Variants in CERS1 observed in about 807,000 individuals in gnomAD.
The protein encoded by CERS1 is ceramide synthase 1, also known as Embryonic growth/differentiation factor 1.
A neutral mutation model predicts 35.7 loss-of-function variants in CERS1; 16 were observed. That is an observed-to-expected ratio of 0.45 (90% CI 0.30 to 0.68). CERS1 has a LOEUF of 0.68. Among genes scored for constraint, CERS1 ranks in the 30% least tolerant of loss-of-function variants. The pLI is 0.08. For synonymous variants in CERS1, 243 were observed against 201.6 expected, an observed-to-expected ratio of 1.21 and a Z score of -1.74; for missense variants, 454 against 453.9, an observed-to-expected ratio of 1.00 and a Z score of 0.00.
In CERS1 at chr19:18,878,692, G is replaced by T; in HGVS notation, c.1010+238C>A. ...TCAGTGTCCCTACCGCTGAGACCCT[G>T]CCTGTCGCCCTGCCTGCCCCTCCCC... is the stretch of plus-strand genomic sequence containing the variant. On this transcript the variant is annotated intron_variant, in intron 6 of 7. Coordinates refer to ENST00000623882, the MANE Select transcript of CERS1 (RefSeq NM_021267.5). This position sits in a 1 kb window ranked among gnomAD's most constrained non-coding sequence, Gnocchi z 4.6. The T allele has an allele frequency of 1.5e-6, 2 of 1,354,350 alleles. No individual in the cohort carries two copies. The highest frequency in any genetic ancestry group is 1.9e-6 in the Non-Finnish European group (2 of 1,048,690). The allele number at this position is 1,354,350 out of a possible 1,614,324, so 83.9% of individuals were successfully genotyped here.
Position 18,888,621 on chromosome 19 carries a change from G to A in CERS1, c.410-4354C>T, listed in dbSNP as rs549976891. On this transcript the variant is annotated intron_variant, in intron 2 of 7. Transcript: ENST00000623882. The stretch of plus-strand genomic sequence containing the variant: ...CAAGGGAGGCAGATCACCTGAAGTC[G>A]GGAGTTCAAGACCAGCCTGACCAAC... 1.1e-4 allele frequency among the ~76,000 whole-genome samples: 17 copies of A among 149,826 alleles called. No individual in the cohort carries two copies. The South Asian group carries it at 3.2e-3, about 28-fold the overall frequency.
chr19:18,895,881 C>G lies in CERS1; in HGVS notation c.192G>C (p.Ala64=). 7.8e-7 allele frequency: 1 copy of G among 1,279,740 alleles called. No homozygotes were observed. Among genetic ancestry groups the G allele is most frequent in the Non-Finnish European group, 9.9e-7 (1 of 1,014,104 alleles). The allele number at this position is 1,279,740 out of a possible 1,614,324, so 79.3% of individuals were successfully genotyped here. A position where few individuals can be genotyped will look rare whatever the true frequency, so the allele number is the denominator to read the frequency against. Residue 64 remains alanine (A), a synonymous_variant, in exon 1 of 8, where the codon GCG becomes GCC. Coordinates refer to ENST00000623882, the MANE Select transcript of CERS1 (RefSeq NM_021267.5). The surrounding 1 kb of genome is among the most constrained non-coding windows in gnomAD (Gnocchi z 6.4). ...GGGCGGTCCAGCCCAGCGCGCCGAG[C>G]GCCAGCAGCAGCAGCTCGGGCGGCG... ...HLAPPELLLL[A]LGALGWTALR... is the part of the protein sequence containing the mutation.
At chr19:18,894,462 T>G (rs1275353043) in intron 1 of CERS1, among the ~76,000 whole-genome samples, 2 of 152,142 alleles carry the variant, frequency 1.3e-5, no homozygotes, top group Non-Finnish European at 2.9e-5. Context: ...CTCCACCCAT[T>G]TCTGAGGAAG....
At chr19:18,883,687 T>A (rs1055406639) in intron 3 of CERS1, among the ~76,000 whole-genome samples, 7 of 152,214 alleles carry the variant, frequency 4.6e-5, no homozygotes, top group Non-Finnish European at 1.0e-4. Flanking sequence ...TGGTTGGCTC[T>A]AGAACATCAG....
chr19:18,879,527 T>G, intron 4 of CERS1, 139 bp from the exon 5 acceptor site: 4 of 1,059,080 alleles, frequency 3.8e-6, no homozygotes, highest in Non-Finnish European at 5.4e-6. Flanking sequence ...CTACTACTGC[T>G]CTGTCCTTCC....
chr19:18,884,102 G>A lies in CERS1; in HGVS notation c.575C>T (p.Ser192Phe), dbSNP rs1009080328. 1.2e-5 allele frequency: 20 copies of A among 1,613,220 alleles called. No individual in the cohort carries two copies. In the African/African-American group the frequency reaches 2.3e-4, roughly 18 times the overall value. Reference sequence around the variant, plus strand: ...CTGTCCTTACCGGAAGGCGTAGGAGGAGACGATGAGGATGAGAGTGACCAC... The same window carrying A: ...CTGTCCTTACCGGAAGGCGTAGGAGAAGACGATGAGGATGAGAGTGACCAC... ...HHVVTLILIV[S>F]SYAFRYHNVG... Residue 192 changes from serine to phenylalanine, a missense_variant, in exon 3 of 8, where the codon TCC (serine) becomes TTC (phenylalanine). Ser to Phe is a radical substitution (Grantham distance 155). Coordinates refer to ENST00000623882, the MANE Select transcript of CERS1 (RefSeq NM_021267.5).
intron 1 of CERS1, 49 bp from the exon 2 acceptor site, chr19:18,893,624 A>T: frequency 6.4e-7 from 1 of 1,559,172 alleles, no homozygotes; most frequent in South Asian, 1.2e-5. Context: ...GGGGCCAGAG[A>T]CTGCTCCTTT....
chr19:18,894,410 G>C (rs962729555), intron 1 of CERS1, among the ~76,000 whole-genome samples: 4 of 152,164 alleles, frequency 2.6e-5, no homozygotes, highest in South Asian at 4.1e-4. Flanking sequence ...CTGGCAACCA[G>C]GCTGCTGCCA....
At chr19:18,885,805 C>T (rs1453020539) in intron 2 of CERS1, among the ~76,000 whole-genome samples, 1 of 152,074 alleles carries the variant, frequency 6.6e-6, no homozygotes, top group Non-Finnish European at 1.5e-5. Context: ...GGGCGTGAGC[C>T]GCTGCGCCCG....
At position 18,892,712 on chromosome 19, in the gene CERS1, C is replaced by T. The variant is rs562506157; in HGVS notation, c.409+704G>A. Among the ~76,000 whole-genome samples, 31 of 152,222 alleles carry T rather than the reference C, an allele frequency of 2.0e-4. 2 individuals carry two copies. The highest frequency in any genetic ancestry group is 6.0e-4 in the African/African-American group (25 of 41,538). ...TGTCCCCATGAAACGTGAGTGCCTC[C>T]GGGCCTTTGCACGTGCTGTTACCGA... is the stretch of plus-strand genomic sequence containing the variant. On this transcript the variant is annotated intron_variant, in intron 2 of 7. Coordinates refer to ENST00000623882, the MANE Select transcript of CERS1 (RefSeq NM_021267.5).
At chr19:18,893,991 C>T (rs2056562715) in intron 1 of CERS1, among the ~76,000 whole-genome samples, 1 of 150,954 alleles carries the variant, frequency 6.6e-6, no homozygotes, top group African/African-American at 2.4e-5. Context: ...GGGACCGACA[C>T]AGAGGGGAGA....
Position 18,884,076 on chromosome 19 carries a change from C to T in CERS1, c.590+11G>A. 1 of 1,609,806 alleles carries T rather than the reference C, an allele frequency of 6.2e-7. No individual in the cohort carries two copies. The highest frequency in any genetic ancestry group is 8.5e-7 in the Non-Finnish European group (1 of 1,177,306). On this transcript the variant is annotated intron_variant, in intron 3 of 7. Transcript: ENST00000623882. The stretch of plus-strand genomic sequence containing the variant: ...GTGCCTCGGCCCCCTGCCACCCGAT[C>T]CTGTCCTTACCGGAAGGCGTAGGAG...
Position 18,890,442 on chromosome 19 carries a change from T to C in CERS1, c.409+2974A>G, listed in dbSNP as rs144086675. 1.0e-3 allele frequency among the ~76,000 whole-genome samples: 158 copies of C among 152,296 alleles called. 2 individuals are homozygous for C. The East Asian group carries it at 0.024, about 24-fold the overall frequency. On this transcript the variant is annotated intron_variant, in intron 2 of 7. Transcript: ENST00000623882. ...TGGCATACAGTAGTCGCTCAATAAA[T>C]AGACATGGAAATAATCAGCTAACTT... is the stretch of plus-strand genomic sequence containing the variant.
upstream of CERS1, chr19:18,896,606 C>G (rs2056630734): frequency 6.6e-6 from 1 of 152,562 alleles, no homozygotes; most frequent in Admixed American, 6.5e-5. The surrounding 1 kb of genome is among the most constrained non-coding windows in gnomAD (Gnocchi z 5.9). Flanking sequence ...AGGCCTGGCA[C>G]GCCTTGGCAC....
chr19:18,869,140 C>T lies in CERS1; in HGVS notation c.*845G>A, dbSNP rs1489342824. On this transcript the variant is annotated 3_prime_UTR_variant, in exon 8 of 8. Transcript: ENST00000623882. ...CGCCCAGCAGCTCCGCGCGCACTGG[C>T]GGCCCCAGGGCGGGCACCAACTGGC... 6.3e-6 allele frequency: 7 copies of T among 1,108,872 alleles called. No homozygotes were observed. Among genetic ancestry groups the T allele is most frequent in the Non-Finnish European group, 7.7e-6 (7 of 908,592 alleles). 68.7% of individuals were successfully genotyped at this position (1,108,872 alleles called of 1,614,324 possible).
intron 2 of CERS1, among the ~76,000 whole-genome samples, chr19:18,889,979 TG>T (rs1469578147): frequency 6.6e-6 from 1 of 152,182 alleles, no homozygotes; most frequent in Non-Finnish European, 1.5e-5. Flanking sequence ...AGCTCAATCC[TG>T]GTGGGAGTCC....
chr19:18,870,262 G>T lies in CERS1; in HGVS notation c.*315C>A. On this transcript the variant is annotated 3_prime_UTR_variant, in exon 7 of 8. Coordinates refer to ENST00000623882, the MANE Select transcript of CERS1 (RefSeq NM_021267.5). The surrounding 1 kb of genome is among the most constrained non-coding windows in gnomAD (Gnocchi z 5.1). The stretch of plus-strand genomic sequence containing the variant: ...AGCGAGGGCAGCAGCAGGGCCAGGA[G>T]GAGGAGGAGGTGGTGGCCGCAGGGA... 6.4e-7 allele frequency: 1 copy of T among 1,550,876 alleles called. No homozygotes were observed.
intron 3 of CERS1, among the ~76,000 whole-genome samples, chr19:18,882,293 C>CTG (rs1374058916): frequency 6.6e-6 from 1 of 152,150 alleles, no homozygotes; most frequent in Non-Finnish European, 1.5e-5. Context: ...AGCCCTTGAA[C>CTG]TGTGGCTTGT....
At chr19:18,880,475 T>C (rs1033751670) in intron 3 of CERS1, 40 bp from the exon 4 acceptor site, 12 of 1,531,024 alleles carry the variant, frequency 7.8e-6, no homozygotes, top group South Asian at 7.5e-5. Context: ...GCAGCTCACA[T>C]TGGGGGACCT....
Sources: allele counts gnomAD v4.1 joint callset (sites outside exome capture counted in the v4.1 genomes callset), GRCh38; gene constraint gnomAD v4.1.1; non-coding constraint Gnocchi (gnomAD v3.1); transcripts MANE v1.5; gene names NCBI Gene and HGNC (gene_info 2026-07-23, HGNC 2026-07-21).